The following DPRX variants were observed in gnomAD, a reference collection of about 807,000 sequenced individuals.
DPRX encodes divergent paired-related homeobox.
A neutral mutation model predicts 8.4 loss-of-function variants in DPRX; 11 were observed. The observed-to-expected ratio is 1.31, with a 90% confidence interval of 0.82 to 2.17. DPRX has a LOEUF of 2.17. Ranked by LOEUF, DPRX falls within the 30% of genes most tolerant of loss-of-function variation. DPRX has a pLI of 0.00. For synonymous variants in DPRX, 72 were observed against 87.0 expected (o/e 0.83, Z 0.96); for missense variants, 211 against 236.7 (o/e 0.89, Z 0.71).
the DPRX span, among the ~76,000 whole-genome samples, chr19:53,604,162 C>T: frequency 6.6e-6 from 1 of 151,990 alleles, no homozygotes; most frequent in East Asian, 1.9e-4. Context: ...CGCTACCGGC[C>T]GTGTTAAGTC....
At chr19:53,603,236 A>G in the DPRX span, 1 of 430,738 alleles carries the variant, frequency 2.3e-6, no homozygotes, top group East Asian at 7.2e-5. Context: ...CCTACTAAGA[A>G]GGGCCACCAC....
At chr19:53,632,027 G>A, upstream of DPRX, 1 of 1,598,458 alleles carries the variant, frequency 6.3e-7, no homozygotes, top group East Asian at 2.2e-5. Context: ...TGGCTGTGGA[G>A]GAAGCTACTT....
At chr19:53,623,310 A>AAAAAAAAAAAAT in the DPRX span, among the ~76,000 whole-genome samples, 189 of 134,008 alleles carry the variant, frequency 1.4e-3, 2 homozygotes, top group African/African-American at 1.9e-3. Flanking sequence ...CTGTCTCAAA[A>AAAAAAAAAAAAT]AAATAAATAA....
chr19:53,630,220 A>C (rs892568995), upstream of DPRX, among the ~76,000 whole-genome samples: 17 of 151,088 alleles, frequency 1.1e-4, no homozygotes, highest in South Asian at 2.1e-4. Context: ...CTCAAAAAAA[A>C]AAAAAAAAAC....
At chr19:53,623,372 C>T in the DPRX span, among the ~76,000 whole-genome samples, 1 of 151,948 alleles carries the variant, frequency 6.6e-6, no homozygotes, top group Non-Finnish European at 1.5e-5. Flanking sequence ...GGCATGGTGG[C>T]TCACGCCTGT....
chr19:53,606,750 C>A, the DPRX span: 1 of 151,438 alleles, frequency 6.6e-6, no homozygotes, highest in Non-Finnish European at 1.5e-5. This position sits in a 1 kb window ranked among gnomAD's most constrained non-coding sequence, Gnocchi z 4.8. Context: ...ATGCACCGGG[C>A]GGTGAGGGTG....
chr19:53,612,140 T>C, the DPRX span, among the ~76,000 whole-genome samples: 9 of 148,248 alleles, frequency 6.1e-5, no homozygotes, highest in Non-Finnish European at 1.2e-4. Context: ...CACTAACACA[T>C]TGGGGGGCCA....
At chr19:53,617,561 C>CAAAAA in the DPRX span, among the ~76,000 whole-genome samples, 2 of 103,736 alleles carry the variant, frequency 1.9e-5, no homozygotes, top group Non-Finnish European at 3.8e-5. Flanking sequence ...TCCGTCTCAC[C>CAAAAA]AAAAAAAAAA....
At chr19:53,632,909 T>C (rs1294090761) in intron 1 of DPRX, among the ~76,000 whole-genome samples, 1 of 152,180 alleles carries the variant, frequency 6.6e-6, no homozygotes, top group Non-Finnish European at 1.5e-5. Flanking sequence ...CTAGATAGAA[T>C]ATAGGCTTAG....
At chr19:53,614,080 T>C in the DPRX span, among the ~76,000 whole-genome samples, 19 of 152,044 alleles carry the variant, frequency 1.2e-4, no homozygotes, top group African/African-American at 4.1e-4. Flanking sequence ...GCCTCCCAAG[T>C]GCTGGGACTA....
chr19:53,633,687 T>G (rs1268864950), intron 1 of DPRX, among the ~76,000 whole-genome samples: 2 of 151,998 alleles, frequency 1.3e-5, no homozygotes, highest in Admixed American at 1.3e-4. Context: ...TTTTTGTACT[T>G]TTAGTAGAGA....
chr19:53,618,097 G>GCA, the DPRX span, among the ~76,000 whole-genome samples: 1 of 150,150 alleles, frequency 6.7e-6, no homozygotes, highest in Non-Finnish European at 1.5e-5. Flanking sequence ...AGCCTAGATC[G>GCA]CTGCCACTGC....
the DPRX span, among the ~76,000 whole-genome samples, chr19:53,622,038 C>G: frequency 4.6e-5 from 7 of 151,976 alleles, no homozygotes; most frequent in African/African-American, 1.7e-4. Flanking sequence ...GTGACTCAGG[C>G]CTTTGTTTCT....
the DPRX span, among the ~76,000 whole-genome samples, chr19:53,611,242 A>C: frequency 6.6e-6 from 1 of 151,882 alleles, no homozygotes; most frequent in East Asian, 1.9e-4. Flanking sequence ...TCCTTTTTGC[A>C]AGACAAAAAG....
At chr19:53,624,650 A>G in the DPRX span, among the ~76,000 whole-genome samples, 7 of 151,588 alleles carry the variant, frequency 4.6e-5, no homozygotes, top group Admixed American at 4.6e-4. Flanking sequence ...CCTGGCCACA[A>G]GTGATCCACC....
intron 1 of DPRX, among the ~76,000 whole-genome samples, chr19:53,632,781 G>A (rs1406780410): frequency 1.3e-5 from 2 of 152,172 alleles, no homozygotes; most frequent in African/African-American, 2.4e-5. Context: ...ATGCAGGGAA[G>A]CCTGTTTCTG....
chr19:53,612,153 G>T, the DPRX span, among the ~76,000 whole-genome samples: 1 of 151,484 alleles, frequency 6.6e-6, no homozygotes, highest in Non-Finnish European at 1.5e-5. Context: ...GGGGGCCAAG[G>T]CAGGAGAATC....
chr19:53,603,110 G>A, the DPRX span, among the ~76,000 whole-genome samples: 8 of 151,094 alleles, frequency 5.3e-5, no homozygotes, highest in African/African-American at 1.9e-4. Flanking sequence ...ACAGTGCAGT[G>A]GTGTGGTCTT....
chr19:53,605,971 A>G, the DPRX span, among the ~76,000 whole-genome samples: 1 of 152,078 alleles, frequency 6.6e-6, no homozygotes, highest in African/African-American at 2.4e-5. Context: ...GCCTAGTCCC[A>G]TTTTCCTGTT....
Sources: allele counts gnomAD v4.1 joint callset (sites outside exome capture counted in the v4.1 genomes callset), GRCh38; gene constraint gnomAD v4.1.1; non-coding constraint Gnocchi (gnomAD v3.1); transcripts MANE v1.5; gene names NCBI Gene and HGNC (gene_info 2026-07-23, HGNC 2026-07-21).